GPHN: variants seen among roughly 807,000 people sequenced by gnomAD.
GPHN encodes the protein gephyrin.
In GPHN, 17 loss-of-function variants were observed where a neutral mutation model predicts 95.5. The observed-to-expected ratio is 0.18, with a 90% CI of 0.12 to 0.27. The LOEUF is 0.27. Ranked by LOEUF, GPHN falls within the 10% of genes least tolerant of loss-of-function variation. The pLI is 1.00. For synonymous variants in GPHN, 320 were observed against 322.5 expected (o/e 0.99, Z 0.08); for missense variants, 660 against 978.1 (o/e 0.67, Z 4.34).
the GPHN span, among the ~76,000 whole-genome samples, chr14:67,713,282 A>C: frequency 2.7e-4 from 41 of 152,010 alleles, no homozygotes; most frequent in East Asian, 9.7e-4. Flanking sequence ...CAAAACAAAA[A>C]AAAACCTCAT....
the GPHN span, among the ~76,000 whole-genome samples, chr14:67,665,776 T>C: frequency 6.6e-6 from 1 of 152,296 alleles, no homozygotes; most frequent in African/African-American, 2.4e-5. Flanking sequence ...TTCATTGTTG[T>C]GTGCCACCCC....
Position 67,053,173 on chromosome 14 carries a change from TTG to T in GPHN, c.1007-5474_1007-5473del, listed in dbSNP as rs1491427416. Among the ~76,000 whole-genome samples the T allele has an allele frequency of 6.3e-3, 815 of 129,098 alleles. 18 individuals carry two copies. The highest frequency in any genetic ancestry group is 0.026 in the African/African-American group (653 of 25,580). 84.7% of individuals were successfully genotyped at this position (129,098 alleles called of 152,430 possible). On this transcript the variant is annotated intron_variant, in intron 10 of 22. Transcript: ENST00000478722. Reference sequence around the variant, plus strand: ...AAAATCAATGAATCTAGGAGCTGGTTTGTTTTTTTTTTTTTTGGAAAAAAAAA... The same window carrying T: ...AAAATCAATGAATCTAGGAGCTGGTTTTTTTTTTTTTTTTGGAAAAAAAAA...
At chr14:67,609,800 G>C in the GPHN span, among the ~76,000 whole-genome samples, 22 of 152,186 alleles carry the variant, frequency 1.4e-4, no homozygotes, top group African/African-American at 4.6e-4. Context: ...GAAGGGGAAG[G>C]GGGTGGGGAT....
At chr14:67,553,847 T>C in the GPHN span, among the ~76,000 whole-genome samples, 1 of 152,212 alleles carries the variant, frequency 6.6e-6, no homozygotes, top group Non-Finnish European at 1.5e-5. Flanking sequence ...TGCCTGAAAC[T>C]GACCAGAACC....
the GPHN span, among the ~76,000 whole-genome samples, chr14:67,719,131 A>G: frequency 2.2e-4 from 33 of 152,334 alleles, no homozygotes; most frequent in African/African-American, 7.9e-4. Context: ...TTTCCATTGG[A>G]GGGTACAATA....
chr14:67,023,460 G>C (rs901804863), intron 9 of GPHN, among the ~76,000 whole-genome samples, 173 bp from the exon 10 acceptor site: 117 of 151,922 alleles, frequency 7.7e-4, no homozygotes, highest in African/African-American at 2.7e-3. Flanking sequence ...TTAAGGAAAA[G>C]ATAAAGAAAA....
At chr14:66,857,472 G>C (rs1443788720) in intron 4 of GPHN, among the ~76,000 whole-genome samples, 3 of 152,202 alleles carry the variant, frequency 2.0e-5, no homozygotes, top group Non-Finnish European at 4.4e-5. Flanking sequence ...AGAAATGACA[G>C]CAGGCTTTTC....
At chr14:67,607,521 C>T in the GPHN span, among the ~76,000 whole-genome samples, 3 of 152,092 alleles carry the variant, frequency 2.0e-5, no homozygotes, top group Admixed American at 6.5e-5. Flanking sequence ...CGCATGCCAC[C>T]GGGGCCAGTT....
the GPHN span, chr14:67,473,670 T>C: frequency 1.3e-6 from 2 of 1,580,986 alleles, no homozygotes; most frequent in Non-Finnish European, 1.7e-6. The surrounding 1 kb of genome is among the most constrained non-coding windows in gnomAD (Gnocchi z 6.5). Context: ...CTCCCACAGG[T>C]AGGTCCAGAG....
the GPHN span, chr14:67,352,821 A>T: frequency 1.3e-6 from 1 of 752,004 alleles, no homozygotes; most frequent in Non-Finnish European, 2.1e-6. Context: ...TTACTTTTGA[A>T]AGAAAAAAAT....
Position 67,070,715 on chromosome 14 carries a change from A to AAAAAAAAAAATATATATATATATAT in GPHN, c.1144+11930_1144+11931insAAAAAAAAATATATATATATATATA. 5.8e-4 allele frequency among the ~76,000 whole-genome samples: 47 copies of AAAAAAAAAAATATATATATATATAT among 80,606 alleles called. 1 individual carries two copies. Among genetic ancestry groups the AAAAAAAAAAATATATATATATATAT allele is most frequent in the African/African-American group, 4.3e-3 (34 of 7,912 alleles). 52.9% of individuals were successfully genotyped at this position (80,606 alleles called of 152,430 possible). On this transcript the variant is annotated intron_variant, in intron 11 of 22. Coordinates refer to ENST00000478722, the MANE Select transcript of GPHN (RefSeq NM_020806.5). Reference sequence around the variant, plus strand: ...ATCTCAAAAAAAAAAAAAAAAAAAAAATATATATATATATCCAATCAGCAT... The same window carrying AAAAAAAAAAATATATATATATATAT: ...ATCTCAAAAAAAAAAAAAAAAAAAAAAAAAAAAAAATATATATATATATATATATATATATATATCCAATCAGCAT...
the GPHN span, chr14:67,359,522 G>C: frequency 6.0e-5 from 58 of 960,620 alleles, no homozygotes; most frequent in Non-Finnish European, 7.7e-6. Context: ...CCTCGCCCTA[G>C]ACTCAAGAAA....
chr14:67,360,162 G>C, the GPHN span: 1 of 407,058 alleles, frequency 2.5e-6, no homozygotes, highest in South Asian at 9.4e-5. Flanking sequence ...TGTCTTTCTC[G>C]CGCCTTGAAG....
chr14:66,553,691 G>T (rs931391669), intron 1 of GPHN, among the ~76,000 whole-genome samples: 5 of 151,726 alleles, frequency 3.3e-5, no homozygotes, highest in African/African-American at 1.2e-4. Context: ...ATTCTCCTGC[G>T]TCAGCCTCCT....
the GPHN span, among the ~76,000 whole-genome samples, chr14:67,716,513 C>T: frequency 2.0e-5 from 3 of 152,220 alleles, no homozygotes; most frequent in Non-Finnish European, 2.9e-5. Context: ...TGTGTACACA[C>T]GTGTTTGTGT....
chr14:67,476,617 A>G, the GPHN span, among the ~76,000 whole-genome samples: 1 of 152,134 alleles, frequency 6.6e-6, no homozygotes, highest in African/African-American at 2.4e-5. Flanking sequence ...AAAATAAAAA[A>G]GATTCATGTG....
intron 10 of GPHN, among the ~76,000 whole-genome samples, chr14:67,042,187 C>A (rs1236300798): frequency 6.6e-6 from 1 of 151,366 alleles, no homozygotes; most frequent in East Asian, 1.9e-4. Context: ...TTTTTAGTTT[C>A]TAAATTTTTT....
At chr14:67,665,370 C>T in the GPHN span, among the ~76,000 whole-genome samples, 17 of 150,996 alleles carry the variant, frequency 1.1e-4, no homozygotes, top group African/African-American at 3.9e-4. Flanking sequence ...CCCACCTGCT[C>T]AAGCAATTCT....
At chr14:67,645,631 T>C in the GPHN span, 1 of 1,611,374 alleles carries the variant, frequency 6.2e-7, no homozygotes, top group Non-Finnish European at 8.5e-7. Flanking sequence ...AGATTATACT[T>C]GTTCTTTGCA....
Sources: allele counts gnomAD v4.1 joint callset (sites outside exome capture counted in the v4.1 genomes callset), GRCh38; gene constraint gnomAD v4.1.1; non-coding constraint Gnocchi (gnomAD v3.1); transcripts MANE v1.5; gene names NCBI Gene and HGNC (gene_info 2026-07-23, HGNC 2026-07-21).